The following BTK variants were observed in gnomAD, a reference collection of about 807,000 sequenced individuals.
BTK encodes the protein Bruton tyrosine kinase.
BTK carries 5 observed loss-of-function variants against 57.4 expected under a neutral mutation model. The ratio of observed to expected loss-of-function variants is 0.09; its 90% CI spans 0.05 to 0.18. The LOEUF (loss-of-function observed/expected upper bound fraction) is 0.18, where lower values mean the gene tolerates loss of function less well. Ranked by LOEUF, BTK falls within the 10% of genes least tolerant of loss-of-function variation. BTK has a pLI of 1.00. For missense variants in BTK, 194 were observed against 501.2 expected, an observed-to-expected ratio of 0.39 and a Z score of 5.85; for synonymous variants, 154 against 174.3, an observed-to-expected ratio of 0.88 and a Z score of 0.92.
chrX:101,384,005 A>C (rs1420892335), intron 1 of BTK, among the ~76,000 whole-genome samples: 2 of 111,754 alleles, frequency 1.8e-5, no homozygotes, highest in African/African-American at 6.5e-5. Flanking sequence ...TGTGTCACTG[A>C]AAATTCTAGT....
chrX:101,379,180 TAAA>T (rs56368552), intron 1 of BTK, among the ~76,000 whole-genome samples: 79 of 87,649 alleles, frequency 9.0e-4, no homozygotes, highest in Admixed American at 1.3e-3. Context: ...AAAATAAAAA[TAAA>T]AAAAAAAAAG....
At chrX:101,358,983 C>T (rs1305594711) in intron 10 of BTK, among the ~76,000 whole-genome samples, 1 of 111,082 alleles carries the variant, frequency 9.0e-6, no homozygotes, top group African/African-American at 3.3e-5. Context: ...GCTAAAAATA[C>T]AAAAATTAGT....
chrX:101,368,315 G>A (rs1179832024), intron 5 of BTK, among the ~76,000 whole-genome samples: 2 of 112,608 alleles, frequency 1.8e-5, no homozygotes, highest in East Asian at 5.5e-4. Flanking sequence ...ACTGAACTGT[G>A]TATTGCAGGA....
intron 4 of BTK, among the ~76,000 whole-genome samples, chrX:101,371,400 C>G (rs1361670951): frequency 8.9e-6 from 1 of 112,132 alleles, no homozygotes; most frequent in Non-Finnish European, 1.9e-5. Flanking sequence ...AGAATTGGTG[C>G]TGCTATGTAT....
chrX:101,353,725 G>A (rs781863599), intron 17 of BTK, 145 bp downstream of exon 17: 1 of 577,609 alleles, frequency 1.7e-6, no homozygotes, highest in Non-Finnish European at 3.0e-6. Flanking sequence ...AAACCCCTGT[G>A]GTGGCTGACA....
rs1555977326 is a variant in BTK, at chrX:101,353,217, T to C, written c.1885A>G (p.Ile629Val). 8.3e-7 allele frequency: 1 copy of C among 1,210,965 alleles called. No homozygotes were observed. ...PHLASEKVYT[I>V]MYSCWHEKAD... Reference sequence around the variant, plus strand: ...ACCTCATGCCAGCAACTGTACATGATGGTATATACCTTCTCTGAAGCCAGA... The same window carrying C: ...ACCTCATGCCAGCAACTGTACATGACGGTATATACCTTCTCTGAAGCCAGA... The change falls in exon 18 of 19, where the codon ATC (isoleucine) becomes GTC (valine). Residue 629 changes from isoleucine (I) to valine (V), a missense_variant. Ile to Val is a conservative substitution (Grantham distance 29, BLOSUM62 3). Transcript: ENST00000308731.
upstream of BTK, among the ~76,000 whole-genome samples, chrX:101,387,358 T>TC (rs1339878245): frequency 2.3e-3 from 233 of 99,933 alleles, no homozygotes; most frequent in African/African-American, 7.1e-3. Context: ...TTTTTTTTTT[T>TC]TTTTTTTTTT....
chrX:101,366,742 G>GA (rs34371760), intron 5 of BTK, among the ~76,000 whole-genome samples: 16,791 of 109,899 alleles, frequency 0.15, 1,213 homozygotes, highest in Admixed American at 0.24. Flanking sequence ...GAACTACTGG[G>GA]AAAAAAAATG....
At chrX:101,364,559 CTT>C (rs374184578) in intron 5 of BTK, among the ~76,000 whole-genome samples, 122 of 100,989 alleles carry the variant, frequency 1.2e-3, no homozygotes, top group African/African-American at 4.0e-3. Flanking sequence ...AACAAAAGTT[CTT>C]TTTTTTTTTT....
chrX:101,386,472 AG>A (rs1927613220), upstream of BTK, among the ~76,000 whole-genome samples: 1 of 110,518 alleles, frequency 9.0e-6, no homozygotes, highest in Non-Finnish European at 1.9e-5. Flanking sequence ...CCAGAGGTAA[AG>A]GGACAACATA....
chrX:101,378,200 C>T (rs1351111586), intron 1 of BTK, among the ~76,000 whole-genome samples: 5 of 109,261 alleles, frequency 4.6e-5, no homozygotes, highest in African/African-American at 1.3e-4. Flanking sequence ...TCTCCTGCCT[C>T]GGCCTCCCAA....
intron 9 of BTK, 66 bp from the exon 10 acceptor site, chrX:101,359,413 C>T: frequency 9.5e-7 from 1 of 1,053,619 alleles, no homozygotes; most frequent in Non-Finnish European, 1.3e-6. Context: ...ACAGCACCCT[C>T]CAGGGCTTGT....
rs918693353 is a variant in BTK, at chrX:101,368,030, G to A, written c.391+1968C>T. ...TTTCTGTGGCTGGAGATAGTATATT[G>A]GTTCAGGACATGGAGTCTGGGGCCT... is the stretch of plus-strand genomic sequence containing the variant. On this transcript the variant is annotated intron_variant, in intron 5 of 18. Coordinates refer to ENST00000308731, the MANE Select transcript of BTK (RefSeq NM_000061.3). 5.4e-5 allele frequency among the ~76,000 whole-genome samples: 6 copies of A among 111,944 alleles called. 1 individual carries two copies. Among genetic ancestry groups the A allele is most frequent in the African/African-American group, 2.0e-4 (6 of 30,762 alleles).
At position 101,353,994 on chromosome X, in the gene BTK, A is replaced by G. The variant is rs1555977501; in HGVS notation, c.1632-6T>C. ...ATTCATCATCCAGGACATACCTGCA[A>G]GGGATTCAGGACTTGTTGCATTAGG... On this transcript the variant is annotated splice_region_variant and splice_polypyrimidine_tract_variant and intron_variant, in intron 16 of 18. Coordinates refer to ENST00000308731, the MANE Select transcript of BTK (RefSeq NM_000061.3). 1 of 1,153,650 alleles carries G rather than the reference A, an allele frequency of 8.7e-7. No homozygotes were observed. Among genetic ancestry groups the G allele is most frequent in the Admixed American group, 2.2e-5 (1 of 46,014 alleles).
At chrX:101,352,475 G>A (rs1167705751) in intron 18 of BTK, among the ~76,000 whole-genome samples, 1 of 111,739 alleles carries the variant, frequency 8.9e-6, no homozygotes, top group East Asian at 2.8e-4. Flanking sequence ...GTCAGAGAAT[G>A]TGTGCAAGGC....
intron 1 of BTK, among the ~76,000 whole-genome samples, chrX:101,377,351 T>C (rs1927246085): frequency 9.0e-6 from 1 of 111,699 alleles, no homozygotes; most frequent in African/African-American, 3.3e-5. Context: ...ACAATTATTC[T>C]TGTGGCAAAT....
At chrX:101,376,007 T>C (rs1555980998) in intron 1 of BTK, among the ~76,000 whole-genome samples, 1 of 110,875 alleles carries the variant, frequency 9.0e-6, no homozygotes, top group African/African-American at 3.3e-5. Context: ...TTTTCTGACC[T>C]TTTCCCCATT....
intron 5 of BTK, among the ~76,000 whole-genome samples, chrX:101,368,668 C>A (rs1230673685): frequency 8.9e-6 from 1 of 112,386 alleles, no homozygotes; most frequent in African/African-American, 3.2e-5. Flanking sequence ...TGTTAGTTAT[C>A]ATTGTTGTTG....
intron 7 of BTK, among the ~76,000 whole-genome samples, chrX:101,361,533 T>A (rs1239414572): frequency 9.2e-6 from 1 of 109,248 alleles, no homozygotes; most frequent in Non-Finnish European, 1.9e-5. Context: ...AAAAAACTTC[T>A]GAAGTGTTAG....
Sources: gnomAD v4.1 joint callset for allele counts (sites outside exome capture counted in the v4.1 genomes callset) on GRCh38, gnomAD v4.1.1 for gene constraint, MANE v1.5 for transcripts, NCBI Gene and HGNC (gene_info 2026-07-23, HGNC 2026-07-21) for gene names.